The following FBXL2 variants were observed in gnomAD, a reference collection of about 807,000 sequenced individuals.
FBXL2 encodes F-box/LRR-repeat protein 2.
FBXL2 carries 38 observed loss-of-function variants against 69.2 expected under a neutral mutation model. That is an observed-to-expected ratio of 0.55 (90% CI 0.42 to 0.72). The LOEUF is 0.72. Among genes scored for constraint, FBXL2 ranks in the 30% least tolerant of loss-of-function variants. The probability of loss-of-function intolerance (pLI) is 0.00; values close to 1 mark genes in which losing one functional copy is unlikely to be tolerated. For synonymous variants in FBXL2, 192 were observed against 201.3 expected (o/e 0.95, Z 0.39); for missense variants, 354 against 520.3 (o/e 0.68, Z 3.11).
In FBXL2 at chr3:33,328,661, C is replaced by T. The variant is rs183283755; in HGVS notation, c.66-30306C>T. ...GATAACCCTATCCAGAAAAATGAAA[C>T]TAGACCCCTGTCTCTCACCAGATGC... is the stretch of plus-strand genomic sequence containing the variant. On this transcript the variant is annotated intron_variant, in intron 2 of 14. Coordinates refer to ENST00000484457, the MANE Select transcript of FBXL2 (RefSeq NM_012157.5). Among the ~76,000 whole-genome samples the T allele has an allele frequency of 2.3e-3, 354 of 152,188 alleles. 1 individual carries two copies. Among genetic ancestry groups the T allele is most frequent in the Non-Finnish European group, 3.5e-3 (238 of 68,002 alleles).
intron 2 of FBXL2, among the ~76,000 whole-genome samples, chr3:33,314,352 A>G (rs776195337): frequency 1.1e-4 from 16 of 151,916 alleles, no homozygotes; most frequent in Non-Finnish European, 1.8e-4. Flanking sequence ...CCTAGCAACC[A>G]CTGTTCTACT....
At chr3:33,367,034 A>G (rs993773699) in intron 5 of FBXL2, among the ~76,000 whole-genome samples, 16 of 152,212 alleles carry the variant, frequency 1.1e-4, no homozygotes, top group African/African-American at 3.6e-4. Flanking sequence ...AGAATTCACT[A>G]TTGAAGCCGT....
chr3:33,412,898 T>C, the FBXL2 span: 19 of 988,478 alleles, frequency 1.9e-5, no homozygotes, highest in Non-Finnish European at 2.8e-5. Flanking sequence ...TTTCTACTTC[T>C]TATGTGTTAA....
At chr3:33,297,529 C>T in intron 1 of FBXL2, 135 bp from the exon 2 acceptor site, 1 of 589,266 alleles carries the variant, frequency 1.7e-6, no homozygotes, top group South Asian at 2.1e-5. Context: ...AATATGGTGG[C>T]TGCATGAAAT....
At chr3:33,401,221 T>A (rs1291581734) in intron 12 of FBXL2, among the ~76,000 whole-genome samples, 1 of 152,186 alleles carries the variant, frequency 6.6e-6, no homozygotes, top group Non-Finnish European at 1.5e-5. Flanking sequence ...GAAGACTGTG[T>A]CTTAATTTGT....
intron 2 of FBXL2, among the ~76,000 whole-genome samples, chr3:33,346,974 C>T (rs764000854): frequency 1.3e-5 from 2 of 152,084 alleles, no homozygotes; most frequent in Non-Finnish European, 2.9e-5. Flanking sequence ...TGTTACAAAC[C>T]AATTATACTC....
chr3:33,320,481 AT>A (rs932060403), intron 2 of FBXL2, among the ~76,000 whole-genome samples: 16 of 151,222 alleles, frequency 1.1e-4, no homozygotes, highest in South Asian at 2.1e-4. Flanking sequence ...GTAGGAAAGC[AT>A]TTCTTTTTTT....
intron 13 of FBXL2, among the ~76,000 whole-genome samples, chr3:33,381,702 T>C (rs2043078494): frequency 1.3e-5 from 2 of 152,108 alleles, no homozygotes; most frequent in South Asian, 4.1e-4. Flanking sequence ...TTTTTCTCAT[T>C]CCATTTTATT....
intron 2 of FBXL2, among the ~76,000 whole-genome samples, chr3:33,354,210 C>T (rs1464428890): frequency 4.0e-5 from 6 of 151,896 alleles, no homozygotes; most frequent in Non-Finnish European, 7.4e-5. Context: ...ACTACTTGCT[C>T]TTATTTTAAA....
intron 3 of FBXL2, 118 bp from the exon 4 acceptor site, chr3:33,359,165 T>A: frequency 1.0e-6 from 1 of 969,642 alleles, no homozygotes. Context: ...GATGATTAAC[T>A]TAATATACAT....
the FBXL2 span, chr3:33,409,264 G>A: frequency 6.8e-6 from 11 of 1,613,868 alleles, no homozygotes; most frequent in Middle Eastern, 1.7e-4. Context: ...ATCATAGGAC[G>A]GCTGATACTT....
intron 14 of FBXL2, 57 bp from the exon 15 acceptor site, chr3:33,385,444 C>A: frequency 7.1e-7 from 1 of 1,410,708 alleles, no homozygotes; most frequent in Non-Finnish European, 1.0e-6. Flanking sequence ...AGAATTATGA[C>A]TATAATCCTA....
intron 2 of FBXL2, among the ~76,000 whole-genome samples, chr3:33,315,148 C>CT (rs940002540): frequency 6.6e-6 from 1 of 152,026 alleles, no homozygotes; most frequent in African/African-American, 2.4e-5. Context: ...GTGAAATCAG[C>CT]TTTTTTGTCC....
chr3:33,278,563 T>A (rs1216345084), intron 1 of FBXL2, among the ~76,000 whole-genome samples: 2 of 152,098 alleles, frequency 1.3e-5, no homozygotes, highest in African/African-American at 4.8e-5. Flanking sequence ...AAACTATCAT[T>A]AGGAATCCTG....
intron 5 of FBXL2, among the ~76,000 whole-genome samples, chr3:33,366,113 T>C (rs909212934): frequency 1.6e-4 from 24 of 152,248 alleles, no homozygotes; most frequent in Non-Finnish European, 2.8e-4. Flanking sequence ...GAAAATTCTT[T>C]AAATCATGAA....
intron 13 of FBXL2, among the ~76,000 whole-genome samples, chr3:33,380,494 A>G (rs931810530): frequency 1.4e-5 from 2 of 146,360 alleles, no homozygotes; most frequent in Non-Finnish European, 3.0e-5. Context: ...GGAGGGGGAG[A>G]TTGCTGTGAG....
chr3:33,337,193 A>G (rs1407171335), intron 2 of FBXL2, among the ~76,000 whole-genome samples: 2 of 152,228 alleles, frequency 1.3e-5, no homozygotes, highest in Admixed American at 1.3e-4. Flanking sequence ...CGACAGAGCA[A>G]GACTCCGTCT....
At position 33,377,339 on chromosome 3, in the gene FBXL2, G is replaced by T. The variant is rs2042706216; in HGVS notation, c.849+6G>T. 2 of 1,613,932 alleles carry T rather than the reference G, an allele frequency of 1.2e-6. No individual in the cohort carries two copies. Among genetic ancestry groups the T allele is most frequent in the Admixed American group, 3.3e-5 (2 of 60,028 alleles). The stretch of plus-strand genomic sequence containing the variant: ...GTTTTACACTTTTAGCTCGGGTAAG[G>T]CATAGATTTAAAGAATACAACCAAA... On this transcript the variant is annotated splice_donor_region_variant and intron_variant, in intron 11 of 14. Coordinates refer to ENST00000484457, the MANE Select transcript of FBXL2 (RefSeq NM_012157.5).
chr3:33,336,757 T>C (rs1164838055), intron 2 of FBXL2, among the ~76,000 whole-genome samples: 1 of 151,620 alleles, frequency 6.6e-6, no homozygotes, highest in Non-Finnish European at 1.5e-5. Context: ...ATGTAAAAAT[T>C]AGCTGGGTGT....
Sources: allele counts gnomAD v4.1 joint callset (sites outside exome capture counted in the v4.1 genomes callset), GRCh38; gene constraint gnomAD v4.1.1; transcripts MANE v1.5; gene names NCBI Gene and HGNC (gene_info 2026-07-23, HGNC 2026-07-21).